The following GRIK2 variants were observed in gnomAD, a reference collection of about 807,000 sequenced individuals.
The protein encoded by GRIK2 is glutamate ionotropic receptor kainate type subunit 2, also known as glutamate receptor ionotropic, kainate 2.
Under a neutral mutation model 100.3 loss-of-function variants are expected in GRIK2, and 32 were observed. The observed-to-expected ratio is 0.32, with a 90% CI of 0.24 to 0.43. GRIK2 has a LOEUF of 0.43. Ranked by LOEUF, GRIK2 falls within the 20% of genes least tolerant of loss-of-function variation. GRIK2 has a pLI of 1.00. For synonymous variants in GRIK2, 417 were observed against 389.4 expected (o/e 1.07, Z -0.83); for missense variants, 843 against 1,114.9 (o/e 0.76, Z 3.47).
intron 11 of GRIK2, among the ~76,000 whole-genome samples, chr6:101,878,797 A>G (rs780695981): frequency 2.0e-5 from 3 of 151,948 alleles, no homozygotes; most frequent in Admixed American, 1.3e-4. Context: ...CTCATTCCGT[A>G]GCTCTGCCAG....
intron 2 of GRIK2, among the ~76,000 whole-genome samples, chr6:101,407,994 A>C (rs1775679707): frequency 6.6e-6 from 1 of 152,176 alleles, no homozygotes. Context: ...GAATTTAGGC[A>C]TAAATTAAGA....
intron 10 of GRIK2, among the ~76,000 whole-genome samples, chr6:101,823,634 A>G (rs997968184): frequency 2.6e-5 from 4 of 152,110 alleles, no homozygotes; most frequent in Admixed American, 2.0e-4. Flanking sequence ...TTGTTAAAAT[A>G]TGAGTTCCTA....
intron 7 of GRIK2, among the ~76,000 whole-genome samples, chr6:101,734,446 C>T (rs930418571): frequency 1.3e-5 from 2 of 152,176 alleles, no homozygotes; most frequent in African/African-American, 2.4e-5. Flanking sequence ...TCCAGGCCTT[C>T]AAATGATTGG....
intron 14 of GRIK2, among the ~76,000 whole-genome samples, chr6:102,034,424 A>T (rs940580208): frequency 6.6e-5 from 10 of 151,440 alleles, no homozygotes; most frequent in African/African-American, 2.2e-4. Context: ...TAATACAAGC[A>T]GTATGATGAA....
intron 3 of GRIK2, among the ~76,000 whole-genome samples, chr6:101,622,675 G>A (rs1046899950): frequency 6.6e-5 from 10 of 151,820 alleles, no homozygotes; most frequent in African/African-American, 1.7e-4. Flanking sequence ...GGCTGATTAT[G>A]TAAAAACTGA....
intron 14 of GRIK2, among the ~76,000 whole-genome samples, chr6:101,976,435 GCC>G (rs1793384857): frequency 6.6e-6 from 1 of 151,996 alleles, no homozygotes; most frequent in Non-Finnish European, 1.5e-5. Context: ...GGTGGCTCAT[GCC>G]TGTAAACCCA....
At chr6:101,676,141 G>A (rs959612737) in intron 4 of GRIK2, among the ~76,000 whole-genome samples, 1 of 152,136 alleles carries the variant, frequency 6.6e-6, no homozygotes, top group South Asian at 2.1e-4. Flanking sequence ...AAAGCTATGT[G>A]TGTACACGTG....
chr6:101,893,583 T>A (rs1418062155), intron 12 of GRIK2, among the ~76,000 whole-genome samples: 1 of 151,798 alleles, frequency 6.6e-6, no homozygotes, highest in African/African-American at 2.4e-5. Context: ...CTGCTATATC[T>A]TCTTAGCTAC....
At chr6:101,640,809 A>G (rs945908592) in intron 4 of GRIK2, among the ~76,000 whole-genome samples, 2 of 152,124 alleles carry the variant, frequency 1.3e-5, no homozygotes, top group African/African-American at 4.8e-5. Flanking sequence ...CTTGAGAATC[A>G]CTGATCTAGC....
chr6:101,683,119 C>G (rs1162099994), intron 6 of GRIK2, among the ~76,000 whole-genome samples: 1 of 151,812 alleles, frequency 6.6e-6, no homozygotes, highest in Non-Finnish European at 1.5e-5. Flanking sequence ...AGGAGAATTG[C>G]TTGGACCTGG....
In GRIK2 at chr6:101,629,958, C is replaced by G. The variant is rs569693635; in HGVS notation, c.541+3321C>G. Among the ~76,000 whole-genome samples the G allele has an allele frequency of 4.6e-5, 7 of 152,186 alleles. No homozygotes were observed. The South Asian group carries it at 1.0e-3, about 23-fold the overall frequency. ...TTTAGCTCCTACTTATAAATAAGAA[C>G]ATGAAGTATTTGGTTTTCTGTTCCT... On this transcript the variant is annotated intron_variant, in intron 4 of 16. Coordinates refer to ENST00000369134, the MANE Select transcript of GRIK2 (RefSeq NM_021956.5).
chr6:101,911,541 G>A (rs1788693765), intron 12 of GRIK2, among the ~76,000 whole-genome samples: 1 of 151,382 alleles, frequency 6.6e-6, no homozygotes, highest in Non-Finnish European at 1.5e-5. Flanking sequence ...AAACTTAAAG[G>A]TAATCATTAT....
intron 2 of GRIK2, among the ~76,000 whole-genome samples, chr6:101,419,552 T>A (rs2518185): frequency 0.8 from 121,560 of 152,182 alleles, 49,154 homozygotes; most frequent in East Asian, 0.97. Context: ...AGACTGTCTC[T>A]CTACACAAGT....
chr6:101,565,960 A>ATATAT (rs1200173639), intron 2 of GRIK2, among the ~76,000 whole-genome samples: 5 of 128,226 alleles, frequency 3.9e-5, no homozygotes, highest in African/African-American at 9.5e-5. Flanking sequence ...TATATATATA[A>ATATAT]GCAAACTAGA....
intron 7 of GRIK2, among the ~76,000 whole-genome samples, chr6:101,721,001 C>T (rs1424091294): frequency 6.6e-6 from 1 of 151,808 alleles, no homozygotes; most frequent in Non-Finnish European, 1.5e-5. Flanking sequence ...AGCAAGCTGG[C>T]GATTAAGCAT....
intron 7 of GRIK2, among the ~76,000 whole-genome samples, chr6:101,754,379 C>T (rs1187548868): frequency 6.6e-6 from 1 of 152,148 alleles, no homozygotes; most frequent in Admixed American, 6.5e-5. Flanking sequence ...GGAAACAAAG[C>T]TATTATGTTG....
chr6:101,827,245 T>A (rs993787537), intron 10 of GRIK2, among the ~76,000 whole-genome samples: 3 of 151,982 alleles, frequency 2.0e-5, no homozygotes, highest in African/African-American at 7.2e-5. Flanking sequence ...TGTGTAAGTA[T>A]GAAAATCACT....
chr6:102,037,546 T>C (rs1332477591), intron 15 of GRIK2, among the ~76,000 whole-genome samples: 1 of 151,334 alleles, frequency 6.6e-6, no homozygotes, highest in East Asian at 1.9e-4. Context: ...CTTTATTACC[T>C]GCACCAGGGA....
chr6:101,399,186 C>A lies in GRIK2; in HGVS notation c.-92C>A, dbSNP rs1775143043. 1 of 747,394 alleles carries A rather than the reference C, an allele frequency of 1.3e-6. No homozygotes were observed. 46.3% of individuals were successfully genotyped at this position (747,394 alleles called of 1,614,324 possible). On this transcript the variant is annotated 5_prime_UTR_variant, in exon 2 of 17. Transcript: ENST00000369134. ...ACCATGCCGTGATCGTGTCTGCGGT[C>A]ACCACTCGACGCATCCTCATTTCTA...
Sources: gnomAD v4.1 joint callset for allele counts (sites outside exome capture counted in the v4.1 genomes callset) on GRCh38, gnomAD v4.1.1 for gene constraint, MANE v1.5 for transcripts, NCBI Gene and HGNC (gene_info 2026-07-23, HGNC 2026-07-21) for gene names.